The following APBA1 variants were observed in gnomAD, a reference collection of about 807,000 sequenced individuals.
APBA1 encodes the protein amyloid beta precursor protein binding family A member 1.
APBA1 carries 55 observed loss-of-function variants against 86.6 expected under a neutral mutation model. The ratio of observed to expected loss-of-function variants is 0.64; its 90% CI spans 0.51 to 0.80. The LOEUF (loss-of-function observed/expected upper bound fraction) is 0.80, where lower values mean the gene tolerates loss of function less well. APBA1 is among the 30% of genes least tolerant of loss of function. The pLI is 0.00. For missense variants in APBA1, 1,090 were observed against 1,183.0 expected, an observed-to-expected ratio of 0.92 and a Z score of 1.15; for synonymous variants, 511 against 493.9, an observed-to-expected ratio of 1.03 and a Z score of -0.46.
chr9:69,516,774 AGC>A lies in APBA1; in HGVS notation c.435_436del (p.Leu146AlafsTer33), dbSNP rs1564063483. ...CGAGTGGAAGTGCAGGTGGTTGGGC[AGC>A]GCGCGGCGGTGCGTGGCCTCGGCGT... On this transcript the variant is annotated frameshift_variant, in exon 2 of 13. Transcript: ENST00000265381. LOFTEE classifies it high-confidence loss of function. The surrounding 1 kb of genome is among the most constrained non-coding windows in gnomAD (Gnocchi z 7.3). 1 of 1,611,430 alleles carries A rather than the reference AGC, an allele frequency of 6.2e-7. No homozygotes were observed. The highest frequency in any genetic ancestry group is 2.2e-5 in the East Asian group (1 of 44,794).
At chr9:69,592,001 G>A (rs1047494867) in intron 1 of APBA1, among the ~76,000 whole-genome samples, 9 of 152,152 alleles carry the variant, frequency 5.9e-5, no homozygotes, top group African/African-American at 1.7e-4. Flanking sequence ...AGACATGCTC[G>A]TTTCCTAAGC....
intron 11 of APBA1, among the ~76,000 whole-genome samples, chr9:69,439,189 T>C (rs1188488844): frequency 9.1e-6 from 1 of 109,854 alleles, no homozygotes; most frequent in African/African-American, 3.9e-5. Context: ...TAACCTGACC[T>C]TTCTCTCTGG....
chr9:69,458,266 GACAA>G, intron 5 of APBA1, 78 bp from the exon 6 acceptor site: 1 of 1,362,758 alleles, frequency 7.3e-7, no homozygotes, highest in Non-Finnish European at 1.0e-6. Flanking sequence ...AAAGGGAATT[GACAA>G]ACTAATACTG....
chr9:69,630,990 T>A (rs980402935), intron 1 of APBA1, among the ~76,000 whole-genome samples: 1 of 152,150 alleles, frequency 6.6e-6, no homozygotes, highest in Non-Finnish European at 1.5e-5. Flanking sequence ...GCAAGACACA[T>A]ATCTCCAGGA....
intron 1 of APBA1, among the ~76,000 whole-genome samples, chr9:69,659,908 A>C (rs533125763): frequency 6.6e-6 from 1 of 152,244 alleles, no homozygotes; most frequent in Non-Finnish European, 1.5e-5. Context: ...AAGCTGACTT[A>C]ATTGTTCCTT....
chr9:69,666,459 G>A (rs1002961649), intron 1 of APBA1, among the ~76,000 whole-genome samples: 1 of 151,370 alleles, frequency 6.6e-6, no homozygotes, highest in African/African-American at 2.4e-5. Context: ...TTACCACCTG[G>A]CATATTATGT....
chr9:69,592,230 T>C (rs1191563825), intron 1 of APBA1, among the ~76,000 whole-genome samples: 1 of 152,236 alleles, frequency 6.6e-6, no homozygotes, highest in Non-Finnish European at 1.5e-5. Context: ...CTCCATATCT[T>C]ATAGTCATAA....
chr9:69,516,563 G>C lies in APBA1; in HGVS notation c.648C>G (p.Tyr216Ter). ...ELDARDGLRL[Y>*]EQERDEAAAY... ...CGGCCGCCTCGTCGCGCTCCTGCTCGTAGAGCCGCAGGCCGTCGCGTGCGT... is the reference window on the plus strand; with the variant it reads ...CGGCCGCCTCGTCGCGCTCCTGCTCCTAGAGCCGCAGGCCGTCGCGTGCGT... The change falls in exon 2 of 13, where the codon TAC becomes TAG. Residue 216 changes from tyrosine (Y) to a stop codon, truncating the protein, a stop_gained. Coordinates refer to ENST00000265381, the MANE Select transcript of APBA1 (RefSeq NM_001163.4). LOFTEE classifies it high-confidence loss of function. The surrounding 1 kb of genome is among the most constrained non-coding windows in gnomAD (Gnocchi z 7.3). 1.3e-6 allele frequency: 2 copies of C among 1,599,698 alleles called. No homozygotes were observed. Among genetic ancestry groups the C allele is most frequent in the Non-Finnish European group, 1.7e-6 (2 of 1,178,330 alleles).
At chr9:69,528,765 C>T (rs1836381159) in intron 1 of APBA1, among the ~76,000 whole-genome samples, 1 of 151,738 alleles carries the variant, frequency 6.6e-6, no homozygotes, top group South Asian at 2.1e-4. Context: ...CACATACGTA[C>T]ACACACACAC....
At position 69,506,089 on chromosome 9, in the gene APBA1, G is replaced by A. The variant is rs146230321; in HGVS notation, c.1200+9922C>T. 1.3e-3 allele frequency among the ~76,000 whole-genome samples: 196 copies of A among 151,710 alleles called. 1 individual carries two copies. Among genetic ancestry groups the A allele is most frequent in the African/African-American group, 3.1e-3 (127 of 41,386 alleles). ...AAGATGGCCGAATAGGAACAGCTCC[G>A]GTCTACAGCTCCCAGCGAGAGCGAC... On this transcript the variant is annotated intron_variant, in intron 2 of 12. Coordinates refer to ENST00000265381, the MANE Select transcript of APBA1 (RefSeq NM_001163.4).
intron 1 of APBA1, among the ~76,000 whole-genome samples, chr9:69,632,002 C>A (rs1292547829): frequency 6.6e-6 from 1 of 151,642 alleles, no homozygotes; most frequent in East Asian, 1.9e-4. Flanking sequence ...ACATATGTAA[C>A]AAACCTGCAT....
At chr9:69,511,790 G>A (rs1164018513) in intron 2 of APBA1, among the ~76,000 whole-genome samples, 1 of 151,926 alleles carries the variant, frequency 6.6e-6, no homozygotes. Flanking sequence ...GGATGAAATT[G>A]GAAATCATCA....
chr9:69,436,684 G>A (rs1276782292), intron 11 of APBA1, among the ~76,000 whole-genome samples: 6 of 151,698 alleles, frequency 4.0e-5, no homozygotes, highest in South Asian at 2.1e-4. Flanking sequence ...GGCTGAGACA[G>A]TGGGGTTTTC....
chr9:69,523,477 G>GTATATATATA lies in APBA1; in HGVS notation c.-69-6208_-69-6199dup, dbSNP rs1163577400. Among the ~76,000 whole-genome samples the GTATATATATA allele has an allele frequency of 1.8e-3, 143 of 80,554 alleles. 2 individuals carry two copies. Among genetic ancestry groups the GTATATATATA allele is most frequent in the Non-Finnish European group, 2.6e-3 (112 of 43,868 alleles). The allele number at this position is 80,554 out of a possible 152,430, so 52.8% of individuals were successfully genotyped here. A position where few individuals can be genotyped will look rare whatever the true frequency, so the allele number is the denominator to read the frequency against. ...ATCATGTATGTGTATATATATATAT[G>GTATATATATA]TATATATATATATATATATGTATAT... On this transcript the variant is annotated intron_variant, in intron 1 of 12. Transcript: ENST00000265381.
chr9:69,618,134 A>G (rs1822741571), intron 1 of APBA1, among the ~76,000 whole-genome samples: 2 of 152,186 alleles, frequency 1.3e-5, no homozygotes, highest in African/African-American at 4.8e-5. Flanking sequence ...TGCAAGTTGC[A>G]TATTTATCAT....
chr9:69,584,894 C>T (rs1011808811), intron 1 of APBA1, among the ~76,000 whole-genome samples: 2 of 152,170 alleles, frequency 1.3e-5, no homozygotes, highest in African/African-American at 4.8e-5. Flanking sequence ...CCTACCATAT[C>T]CAGAGAAAAC....
Position 69,563,833 on chromosome 9 carries a change from T to C in APBA1, c.-69-46554A>G, listed in dbSNP as rs141307011. Among the ~76,000 whole-genome samples the C allele has an allele frequency of 5.4e-3, 819 of 152,252 alleles. 5 individuals are homozygous for C. The highest frequency in any genetic ancestry group is 9.8e-3 in the Non-Finnish European group (664 of 68,014). ...CCTTTGCCAAGACTGATTATTTCCA[T>C]AGCACTCACTGACTTTTGTCAGTGT... On this transcript the variant is annotated intron_variant, in intron 1 of 12. Transcript: ENST00000265381.
At chr9:69,578,577 G>T (rs995222839) in intron 1 of APBA1, among the ~76,000 whole-genome samples, 2 of 152,026 alleles carry the variant, frequency 1.3e-5, no homozygotes, top group Admixed American at 1.3e-4. Flanking sequence ...AAAAAATCAC[G>T]GTTTCTCAAA....
intron 2 of APBA1, among the ~76,000 whole-genome samples, chr9:69,491,675 C>A (rs1197099016): frequency 1.3e-5 from 2 of 151,758 alleles, no homozygotes; most frequent in African/African-American, 4.8e-5. Context: ...CCATTATCTG[C>A]TTTCCTATAT....
Sources: gnomAD v4.1 joint callset for allele counts (sites outside exome capture counted in the v4.1 genomes callset) on GRCh38, gnomAD v4.1.1 for gene constraint, Gnocchi (gnomAD v3.1) non-coding constraint, MANE v1.5 for transcripts, NCBI Gene and HGNC (gene_info 2026-07-23, HGNC 2026-07-21) for gene names.